BRD3: variants seen among roughly 807,000 people sequenced by gnomAD.
The protein encoded by BRD3 is bromodomain-containing protein 3.
A neutral mutation model predicts 66.8 loss-of-function variants in BRD3; 17 were observed. The observed-to-expected ratio is 0.25, with a 90% CI of 0.17 to 0.38. BRD3 has a LOEUF of 0.38. Ranked by LOEUF, BRD3 falls within the 10% of genes least tolerant of loss-of-function variation. The probability of loss-of-function intolerance (pLI) is 1.00; values close to 1 mark genes in which losing one functional copy is unlikely to be tolerated. For missense variants in BRD3, 713 were observed against 956.1 expected (o/e 0.75, Z 3.35); for synonymous variants, 421 against 393.2 (o/e 1.07, Z -0.84).
At position 134,068,011 on chromosome 9, in the gene BRD3, G is replaced by GC. The variant is rs1743828326; in HGVS notation, c.-181dup. ...CGGCCGGCTCCTCTTTGGCTCGCCG[G>GC]CCCCGGCAGCATAATAGACGCGCCG... On this transcript the variant is annotated 5_prime_UTR_variant, in exon 1 of 12. An upstream open reading frame in the 5' UTR gains an earlier in-frame stop. Transcript: ENST00000303407. 2 of 144,460 alleles carry GC rather than the reference G, an allele frequency of 1.4e-5. No homozygotes were observed. The highest frequency in any genetic ancestry group is 3.1e-5 in the Non-Finnish European group (2 of 65,012). The allele number at this position is 144,460 out of a possible 1,614,324, so 8.9% of individuals were successfully genotyped here. A position where few individuals can be genotyped will look rare whatever the true frequency, so the allele number is the denominator to read the frequency against.
intron 1 of BRD3, among the ~76,000 whole-genome samples, chr9:134,061,157 G>C (rs973444989): frequency 6.6e-6 from 1 of 152,244 alleles, no homozygotes; most frequent in African/African-American, 2.4e-5. Context: ...TGTCGCCTGG[G>C]CAGCACAGCA....
rs10993896 is a variant in BRD3 at position 134,032,587 on chromosome 9, C to G, written c.*1003G>C. 4.3e-6 allele frequency: 1 copy of G among 230,902 alleles called. No individual in the cohort carries two copies. The allele number at this position is 230,902 out of a possible 1,614,324, so 14.3% of individuals were successfully genotyped here. A position where few individuals can be genotyped will look rare whatever the true frequency, so the allele number is the denominator to read the frequency against. On this transcript the variant is annotated 3_prime_UTR_variant, in exon 12 of 12. Coordinates refer to ENST00000303407, the MANE Select transcript of BRD3 (RefSeq NM_007371.4). ...ACAGGCCGCCGCCAGACAGGACCCG[C>G]GCCCGGCACACCACTGGCAAGGCCT...
At chr9:134,064,423 C>T (rs10993908) in intron 1 of BRD3, among the ~76,000 whole-genome samples, 53,648 of 151,696 alleles carry the variant, frequency 0.35, 9,989 homozygotes, top group Middle Eastern at 0.53. Context: ...ACCTGTAATC[C>T]CAGCTACTTG....
At chr9:134,058,414 CAT>C (rs1404253609) in intron 1 of BRD3, 2 of 152,342 alleles carry the variant, frequency 1.3e-5, no homozygotes, top group African/African-American at 2.4e-5. Context: ...ACATTCAGAA[CAT>C]GTCTGCCCAA....
intron 3 of BRD3, among the ~76,000 whole-genome samples, 164 bp from the exon 4 acceptor site, chr9:134,051,873 GTGTGTTGTTTTTT>G (rs1433298245): frequency 6.6e-5 from 7 of 106,450 alleles, no homozygotes; most frequent in East Asian, 3.9e-4. Flanking sequence ...GTGTGTGTGT[GTGTGTTGTTTTTT>G]TTGTTTTTTT....
chr9:134,065,042 C>T (rs928504606), intron 1 of BRD3, among the ~76,000 whole-genome samples: 4 of 152,244 alleles, frequency 2.6e-5, no homozygotes, highest in African/African-American at 9.6e-5. Context: ...CCCGCAAGTT[C>T]CAAAACCTTT....
In BRD3 at chr9:134,030,922, C is replaced by T; in HGVS notation, c.*2668G>A. ...CTTGAAAAAAGCATGTTAGAAGCTG[C>T]CCTACAGGTCTCAGCAGTGGGACAA... On this transcript the variant is annotated 3_prime_UTR_variant, in exon 12 of 12. Coordinates refer to ENST00000303407, the MANE Select transcript of BRD3 (RefSeq NM_007371.4). The T allele has an allele frequency of 4.3e-6, 1 of 231,204 alleles. No homozygotes were observed. 14.3% of individuals were successfully genotyped at this position (231,204 alleles called of 1,614,324 possible).
At chr9:134,057,112 A>G (rs565568246) in intron 1 of BRD3, 1 of 152,412 alleles carries the variant, frequency 6.6e-6, no homozygotes, top group East Asian at 1.9e-4. Context: ...ACCAGAGCCC[A>G]TGCACCTTCC....
chr9:134,062,280 C>T (rs972403371), intron 1 of BRD3, among the ~76,000 whole-genome samples: 26 of 152,266 alleles, frequency 1.7e-4, no homozygotes, highest in African/African-American at 5.1e-4. Flanking sequence ...CTGGAGGGCC[C>T]GGCTCTACAG....
rs1564557062 is a variant in BRD3 at position 134,053,597 on chromosome 9, A to G, written c.-113-7T>C. On this transcript the variant is annotated splice_polypyrimidine_tract_variant and splice_region_variant and intron_variant, in intron 1 of 11. Transcript: ENST00000303407. Reference sequence around the variant, plus strand: ...GGGCCCAACCAGGCGACAGCTGCAGAGGAGGAAGCACAACAGAGAGGAAGG... The same window carrying G: ...GGGCCCAACCAGGCGACAGCTGCAGGGGAGGAAGCACAACAGAGAGGAAGG... 1 of 1,442,996 alleles carries G rather than the reference A, an allele frequency of 6.9e-7. No individual in the cohort carries two copies. The highest frequency in any genetic ancestry group is 2.5e-5 in the East Asian group (1 of 40,084). 89.4% of individuals were successfully genotyped at this position (1,442,996 alleles called of 1,614,324 possible).
intron 9 of BRD3, among the ~76,000 whole-genome samples, chr9:134,038,110 C>T (rs1273635198): frequency 6.6e-6 from 1 of 152,174 alleles, no homozygotes; most frequent in Non-Finnish European, 1.5e-5. Flanking sequence ...CAATTCTATA[C>T]ATTTACTCCA....
intron 1 of BRD3, among the ~76,000 whole-genome samples, chr9:134,059,170 T>C (rs1415411350): frequency 6.6e-6 from 1 of 152,038 alleles, no homozygotes. Context: ...TGAAAATGAG[T>C]GGGGTCTGGA....
intron 7 of BRD3, among the ~76,000 whole-genome samples, chr9:134,044,374 C>G (rs1830122648): frequency 6.6e-6 from 1 of 152,154 alleles, no homozygotes; most frequent in African/African-American, 2.4e-5. Context: ...CTGTGTCATC[C>G]ACAATAATAC....
At chr9:134,058,962 G>A (rs575349147) in intron 1 of BRD3, among the ~76,000 whole-genome samples, 16 of 152,342 alleles carry the variant, frequency 1.1e-4, no homozygotes, top group African/African-American at 3.4e-4. Flanking sequence ...GCCTTGGGCC[G>A]GTGTGCTGGC....
At chr9:134,038,315 C>T (rs959455038) in intron 9 of BRD3, among the ~76,000 whole-genome samples, 5 of 152,076 alleles carry the variant, frequency 3.3e-5, no homozygotes, top group African/African-American at 7.2e-5. Flanking sequence ...TCACCAAGCC[C>T]GGCCAATTTT....
chr9:134,037,460 A>G (rs1829949729), intron 9 of BRD3, among the ~76,000 whole-genome samples: 1 of 152,180 alleles, frequency 6.6e-6, no homozygotes, highest in Admixed American at 6.5e-5. Context: ...AATGCCAGCT[A>G]CTAGGGATGC....
intron 1 of BRD3, among the ~76,000 whole-genome samples, chr9:134,062,872 C>A (rs1268734022): frequency 6.6e-6 from 1 of 152,220 alleles, no homozygotes; most frequent in Non-Finnish European, 1.5e-5. Context: ...GAGGACAGCA[C>A]CTGGCCCTTT....
chr9:134,066,327 C>T (rs1280275248), intron 1 of BRD3, among the ~76,000 whole-genome samples: 1 of 152,190 alleles, frequency 6.6e-6, no homozygotes, highest in Non-Finnish European at 1.5e-5. Flanking sequence ...CCATCAAGGC[C>T]TCAACAGAGA....
upstream of BRD3, among the ~76,000 whole-genome samples, chr9:134,068,168 C>G (rs1441927045): frequency 6.9e-6 from 1 of 143,972 alleles, no homozygotes; most frequent in Non-Finnish European, 1.5e-5. Flanking sequence ...GCCGGCGCCG[C>G]GCCCCGCCCC....
Sources: gnomAD v4.1 joint callset for allele counts (sites outside exome capture counted in the v4.1 genomes callset) on GRCh38, gnomAD v4.1.1 for gene constraint, MANE v1.5 for transcripts, NCBI Gene and HGNC (gene_info 2026-07-23, HGNC 2026-07-21) for gene names.